SCYL1: variants seen among roughly 807,000 people sequenced by gnomAD.
SCYL1 encodes the protein N-terminal kinase-like protein.
In SCYL1, 85 loss-of-function variants were observed where a neutral mutation model predicts 94.8. The ratio of observed to expected loss-of-function variants is 0.90; its 90% CI spans 0.75 to 1.07. SCYL1 has a LOEUF of 1.07. SCYL1 is among the 50% of genes least tolerant of loss of function. SCYL1 has a pLI of 0.00. For missense variants in SCYL1, 968 were observed against 1,083.3 expected, an observed-to-expected ratio of 0.89 and a Z score of 1.49; for synonymous variants, 459 against 435.5, an observed-to-expected ratio of 1.05 and a Z score of -0.67.
chr11:65,535,307 C>G lies in SCYL1; in HGVS notation c.1311C>G (p.Ala437=). The change falls in exon 10 of 18, where the codon GCC becomes GCG. Residue 437 remains alanine (A), a synonymous_variant. Transcript: ENST00000270176. ...TGAAGCACTTTGCACGGCTACAGGC[C>G]AAGGATGAACAGGGCCCCATCCGCT... ...ELMKHFARLQ[A]KDEQGPIRCN... 3.1e-6 allele frequency: 5 copies of G among 1,614,236 alleles called. No individual in the cohort carries two copies. Among genetic ancestry groups the G allele is most frequent in the Non-Finnish European group, 4.2e-6 (5 of 1,180,036 alleles).
In SCYL1 at chr11:65,538,000, CCA is replaced by C. The variant is rs759830598; in HGVS notation, c.2066_2067del (p.Pro689ArgfsTer10). 3.1e-6 allele frequency: 5 copies of C among 1,612,934 alleles called. No individual in the cohort carries two copies. Among genetic ancestry groups the C allele is most frequent in the Non-Finnish European group, 2.5e-6 (3 of 1,179,464 alleles). On this transcript the variant is annotated frameshift_variant, in exon 16 of 18. Transcript: ENST00000270176. LOFTEE classifies it high-confidence loss of function. ...SNSDHKSSKS[P>X]ESDWSSWEAE... ...CTCCGACCACAAATCCTCCAAATCC[CCA>C]GAGTCCGACTGGAGCAGCTGGGAAG... is the stretch of plus-strand genomic sequence containing the variant.
At chr11:65,535,181 C>G in intron 9 of SCYL1, 46 bp from the exon 10 acceptor site, 1 of 1,602,372 alleles carries the variant, frequency 6.2e-7, no homozygotes, top group Non-Finnish European at 8.5e-7. Flanking sequence ...GCACAAGGCC[C>G]TTTGCCCGCC....
At position 65,530,613 on chromosome 11, in the gene SCYL1, G is replaced by A. The variant is rs577235783; in HGVS notation, c.850-16G>A. On this transcript the variant is annotated splice_polypyrimidine_tract_variant and intron_variant, in intron 6 of 17. Transcript: ENST00000270176. ...CAGGCTGATCTCTTCCCCGGGTCCC[G>A]TCCTCACTCCCCCAGATCAAAGAGC... The A allele has an allele frequency of 1.1e-5, 18 of 1,608,114 alleles. No individual in the cohort carries two copies. Among genetic ancestry groups the A allele is most frequent in the Admixed American group, 8.4e-5 (5 of 59,368 alleles).
intron 8 of SCYL1, 68 bp from the exon 9 acceptor site, chr11:65,532,624 G>A (rs762386546): frequency 5.5e-6 from 7 of 1,267,450 alleles, no homozygotes; most frequent in African/African-American, 2.9e-5. Flanking sequence ...AGCCAGGAGC[G>A]GTTCCATGGC....
At chr11:65,527,629 G>A (rs950062432) in intron 6 of SCYL1, among the ~76,000 whole-genome samples, 1 of 151,734 alleles carries the variant, frequency 6.6e-6, no homozygotes, top group Non-Finnish European at 1.5e-5. Flanking sequence ...CTACTCCAGA[G>A]GCTGAGGTAG....
At position 65,537,949 on chromosome 11, in the gene SCYL1, C is replaced by T. The variant is rs775945485; in HGVS notation, c.2032-18C>T. 6.2e-7 allele frequency: 1 copy of T among 1,600,176 alleles called. No individual in the cohort carries two copies. The highest frequency in any genetic ancestry group is 1.7e-5 in the Admixed American group (1 of 58,006). On this transcript the variant is annotated intron_variant, in intron 15 of 17. Transcript: ENST00000270176. ...CTCCTTGGGCCCAGGGCTACTTCCC[C>T]CTCCCGCTCTTCTACAGGTCAGCAA...
chr11:65,525,295 TCGACCTGGGCCTTGCCTATTCCGCGCCGC>T lies in SCYL1; in HGVS notation c.111+37_111+65del, dbSNP rs1855018659. 8 of 1,368,332 alleles carry T rather than the reference TCGACCTGGGCCTTGCCTATTCCGCGCCGC, an allele frequency of 5.8e-6. No homozygotes were observed. In the South Asian group the frequency reaches 1.1e-4, roughly 18 times the overall value. 84.8% of individuals were successfully genotyped at this position (1,368,332 alleles called of 1,614,324 possible). On this transcript the variant is annotated intron_variant, in intron 1 of 17. Transcript: ENST00000270176. Reference sequence around the variant, plus strand: ...TGCGGCCGAGCTCCGTAGGCCGCGGTCGACCTGGGCCTTGCCTATTCCGCGCCGCCGACCCCGTCGCGTTGCGCCCGGCC... The same window carrying T: ...TGCGGCCGAGCTCCGTAGGCCGCGGTCGACCCCGTCGCGTTGCGCCCGGCC...
intron 7 of SCYL1, 84 bp downstream of exon 7, chr11:65,530,871 T>G: frequency 1.4e-6 from 2 of 1,475,726 alleles, no homozygotes; most frequent in Non-Finnish European, 1.8e-6. Context: ...GCAGGCTGTT[T>G]AGGGCAGACC....
chr11:65,537,110 A>G lies in SCYL1; in HGVS notation c.1941A>G (p.Glu647=). The change falls in exon 14 of 18, where the codon GAA becomes GAG. Residue 647 remains glutamate, a synonymous_variant. Transcript: ENST00000270176. ...DSSTADRWDD[E]DWGSLEQEAE... ...GCACTGCTGACAGATGGGACGACGA[A>G]GACTGGGGCAGCCTGGAGGTGTGTG... The G allele has an allele frequency of 6.2e-7, 1 of 1,614,180 alleles. No individual in the cohort carries two copies. The highest frequency in any genetic ancestry group is 1.3e-5 in the African/African-American group (1 of 75,046).
chr11:65,538,162 T>A lies in SCYL1; in HGVS notation c.2227T>A (p.Ser743Thr), dbSNP rs763967755. The change falls in exon 16 of 18, where the codon TCT becomes ACT. Residue 743 changes from serine (S) to threonine (T), a missense_variant. Physicochemically the swap from Ser to Thr is moderately conservative, Grantham distance 58 (BLOSUM62 1). Transcript: ENST00000270176. ...SDKGDPFATLSARPSTQPRPD... is the reference protein window; with the variant it reads ...SDKGDPFATLTARPSTQPRPD... ...CAAGGGCGACCCCTTCGCTACCCTG[T>A]CTGCACGTCCCAGCACCCAGGTACC... is the stretch of plus-strand genomic sequence containing the variant. 1.3e-6 allele frequency: 2 copies of A among 1,592,748 alleles called. No homozygotes were observed. Among genetic ancestry groups the A allele is most frequent in the Non-Finnish European group, 1.7e-6 (2 of 1,169,744 alleles).
intron 6 of SCYL1, among the ~76,000 whole-genome samples, chr11:65,528,787 T>C (rs1855219982): frequency 6.6e-6 from 1 of 151,860 alleles, no homozygotes; most frequent in East Asian, 1.9e-4. Flanking sequence ...AAAAATCCAG[T>C]GCAGGAAGGA....
chr11:65,531,774 AG>A (rs1855379078), intron 8 of SCYL1, 91 bp downstream of exon 8: 1 of 892,776 alleles, frequency 1.1e-6, no homozygotes, highest in Non-Finnish European at 1.8e-6. Context: ...CAGGGACCCC[AG>A]AAACCCCACC....
intron 10 of SCYL1, 136 bp downstream of exon 10, chr11:65,535,518 G>A (rs1202772418): frequency 2.1e-5 from 25 of 1,169,912 alleles, no homozygotes; most frequent in Non-Finnish European, 3.0e-5. Flanking sequence ...CCCCATATCT[G>A]GGTTCCCAGA....
intron 12 of SCYL1, 99 bp from the exon 13 acceptor site, chr11:65,536,487 A>C (rs1199668238): frequency 2.8e-5 from 41 of 1,463,180 alleles, no homozygotes; most frequent in Non-Finnish European, 3.9e-5. Flanking sequence ...GGCCTGGAGA[A>C]AGGAGGGGTG....
chr11:65,525,087 C>A lies in SCYL1; in HGVS notation c.-67C>A. On this transcript the variant is annotated 5_prime_UTR_variant, in exon 1 of 18. Transcript: ENST00000270176. ...CGCAGGCCCCGCCCCCTCTCCGCCC[C>A]GCCCCGGCTCGGGCGGCCGGAGGAC... 1.8e-6 allele frequency: 2 copies of A among 1,124,608 alleles called. No individual in the cohort carries two copies. The highest frequency in any genetic ancestry group is 2.3e-6 in the Non-Finnish European group (2 of 867,966). 69.7% of individuals were successfully genotyped at this position (1,124,608 alleles called of 1,614,324 possible).
intron 10 of SCYL1, chr11:65,535,746 G>T: frequency 1.7e-6 from 1 of 603,558 alleles, no homozygotes; most frequent in East Asian, 2.9e-5. Context: ...GTGGTCCCAT[G>T]CCCTGAGGCA....
In SCYL1 at chr11:65,537,085, G is replaced by A. The variant is rs1258027151; in HGVS notation, c.1916G>A (p.Ser639Asn). 1 of 1,614,156 alleles carries A rather than the reference G, an allele frequency of 6.2e-7. No homozygotes were observed. Among genetic ancestry groups the A allele is most frequent in the East Asian group, 2.2e-5 (1 of 44,884 alleles). ...EEDKDTAEDS[S>N]TADRWDDEDW... is the part of the protein sequence containing the mutation. ...GACAAGGACACAGCAGAGGACAGCA[G>A]CACTGCTGACAGATGGGACGACGAA... Residue 639 changes from serine (S) to asparagine (N), a missense_variant, in exon 14 of 18, where the codon AGC becomes AAC. By Grantham distance (46) the Ser-to-Asn change is conservative. Transcript: ENST00000270176.
At position 65,538,493 on chromosome 11, in the gene SCYL1, A is replaced by AGAT; in HGVS notation, c.2356_2358dup (p.Met786dup). The stretch of plus-strand genomic sequence containing the variant: ...AAGAAGCGCGAGGAGCGGCGGCGGG[A>AGAT]GATGGAGGCCAAACGCGCCGAGAGG... On this transcript the variant is annotated inframe_insertion, in exon 18 of 18. Coordinates refer to ENST00000270176, the MANE Select transcript of SCYL1 (RefSeq NM_020680.4). The AGAT allele has an allele frequency of 1.3e-6, 2 of 1,599,506 alleles. No individual in the cohort carries two copies. Among genetic ancestry groups the AGAT allele is most frequent in the Non-Finnish European group, 1.7e-6 (2 of 1,174,682 alleles).
At chr11:65,536,829 T>TC (rs1360343423) in intron 13 of SCYL1, 79 bp downstream of exon 13, 2 of 1,476,044 alleles carry the variant, frequency 1.4e-6, no homozygotes, top group African/African-American at 1.4e-5. Context: ...ACTGTCTGAC[T>TC]CCCCCGGGGA....
Sources: allele counts gnomAD v4.1 joint callset (sites outside exome capture counted in the v4.1 genomes callset), GRCh38; gene constraint gnomAD v4.1.1; transcripts MANE v1.5; gene names NCBI Gene and HGNC (gene_info 2026-07-23, HGNC 2026-07-21).